The following NTM variants were observed in gnomAD, a reference collection of about 807,000 sequenced individuals.
NTM encodes IgLON family member 2.
Under a neutral mutation model 42.1 loss-of-function variants are expected in NTM, and 13 were observed. The ratio of observed to expected loss-of-function variants is 0.31; its 90% CI spans 0.20 to 0.49. The LOEUF (loss-of-function observed/expected upper bound fraction) is 0.49, where lower values mean the gene tolerates loss of function less well. Among genes scored for constraint, NTM ranks in the 20% least tolerant of loss-of-function variants. NTM has a pLI of 0.99. For synonymous variants in NTM, 187 were observed against 179.2 expected, an observed-to-expected ratio of 1.04 and a Z score of -0.35; for missense variants, 373 against 452.8, an observed-to-expected ratio of 0.82 and a Z score of 1.60.
chr11:131,655,566 G>T (rs954191755), intron 1 of NTM, among the ~76,000 whole-genome samples: 1 of 152,192 alleles, frequency 6.6e-6, no homozygotes, highest in African/African-American at 2.4e-5. Flanking sequence ...TGCTGTAAAA[G>T]ACACGTATGG....
At chr11:132,309,982 G>T in intron 5 of NTM, 130 bp from the exon 6 acceptor site, 8 of 1,125,292 alleles carry the variant, frequency 7.1e-6, no homozygotes, top group African/African-American at 1.6e-5. Flanking sequence ...CTTGAACCCG[G>T]GAGGCAGAAC....
chr11:131,371,614 G>C (rs1941196489), intron 1 of NTM, among the ~76,000 whole-genome samples: 1 of 152,172 alleles, frequency 6.6e-6, no homozygotes, highest in South Asian at 2.1e-4. Context: ...AGCCCTGGGG[G>C]CTGCAGTTGA....
intron 4 of NTM, among the ~76,000 whole-genome samples, chr11:132,293,484 T>C (rs897299708): frequency 2.0e-5 from 3 of 151,952 alleles, no homozygotes; most frequent in Admixed American, 2.0e-4. Context: ...GAGTGCAGAA[T>C]GGAAGGACTG....
chr11:131,447,561 G>A (rs542141606), intron 1 of NTM, among the ~76,000 whole-genome samples: 1 of 152,122 alleles, frequency 6.6e-6, no homozygotes, highest in African/African-American at 2.4e-5. Context: ...GGAGAGGGAG[G>A]GAGTGAGAAT....
chr11:131,385,053 C>G (rs745648778), intron 1 of NTM, among the ~76,000 whole-genome samples: 9 of 152,178 alleles, frequency 5.9e-5, no homozygotes, highest in Non-Finnish European at 1.2e-4. Flanking sequence ...CCGGGCATTG[C>G]CCCCTGCAGA....
chr11:131,910,603 C>T (rs540087345), intron 1 of NTM, among the ~76,000 whole-genome samples: 1 of 150,798 alleles, frequency 6.6e-6, no homozygotes, highest in African/African-American at 2.4e-5. Context: ...GCGGTCGGGG[C>T]CCGCGCGCGT....
rs5027677 is a variant in NTM, at chr11:132,070,855, A to G, written c.168-75427A>G. Among the ~76,000 whole-genome samples the G allele has an allele frequency of 2.8e-3, 222 of 78,656 alleles. 9 individuals are homozygous for G. The highest frequency in any genetic ancestry group is 0.015 in the East Asian group (55 of 3,748). 51.6% of individuals were successfully genotyped at this position (78,656 alleles called of 152,430 possible). ...GCCAAGTTAACACGTCACACTGACC[A>G]TCACAGGTTAGTTAACACGTCACTC... On this transcript the variant is annotated intron_variant, in intron 2 of 8. Coordinates refer to ENST00000683400, the MANE Select transcript of NTM (RefSeq NM_001352005.2).
At chr11:132,074,598 C>G (rs2058124196) in intron 2 of NTM, among the ~76,000 whole-genome samples, 1 of 151,694 alleles carries the variant, frequency 6.6e-6, no homozygotes, top group Non-Finnish European at 1.5e-5. Flanking sequence ...AACATACATA[C>G]AGATTAGAAG....
intron 4 of NTM, among the ~76,000 whole-genome samples, chr11:132,254,205 G>A (rs4937685): frequency 0.13 from 20,497 of 152,080 alleles, 1,720 homozygotes; most frequent in East Asian, 0.21. Context: ...TGAGCACCCG[G>A]CTAGAGACAG....
chr11:131,457,532 G>C (rs75499969), intron 1 of NTM, among the ~76,000 whole-genome samples: 1,921 of 152,262 alleles, frequency 0.013, 50 homozygotes, highest in African/African-American at 0.044. Flanking sequence ...TTGCCGAAAG[G>C]AAGATGATTA....
intron 1 of NTM, among the ~76,000 whole-genome samples, chr11:131,508,967 A>G (rs959015918): frequency 6.6e-6 from 1 of 151,592 alleles, no homozygotes; most frequent in African/African-American, 2.4e-5. Context: ...GCGCACCAAC[A>G]TGGCACATGT....
At chr11:131,625,589 T>C (rs1181034449) in intron 1 of NTM, among the ~76,000 whole-genome samples, 1 of 151,294 alleles carries the variant, frequency 6.6e-6, no homozygotes, top group Non-Finnish European at 1.5e-5. Flanking sequence ...CGTTCCCCAA[T>C]AACATACATA....
chr11:131,632,917 CCCA>C, intron 1 of NTM, among the ~76,000 whole-genome samples: 1 of 147,312 alleles, frequency 6.8e-6, no homozygotes. Flanking sequence ...TCGTGATCCG[CCCA>C]TCTCAGCCTC....
intron 2 of NTM, among the ~76,000 whole-genome samples, chr11:132,092,285 T>G (rs1255953658): frequency 6.6e-6 from 1 of 152,234 alleles, no homozygotes; most frequent in Non-Finnish European, 1.5e-5. Flanking sequence ...TTATACTTGT[T>G]GTCGCTTCTT....
At chr11:132,015,700 T>C (rs2073284955) in intron 2 of NTM, among the ~76,000 whole-genome samples, 1 of 151,452 alleles carries the variant, frequency 6.6e-6, no homozygotes, top group African/African-American at 2.4e-5. Flanking sequence ...ATTGTTTTCT[T>C]GATTTCATTT....
rs956424567 is a variant in NTM, at chr11:131,616,772, TGAGGG to T, written c.82+245886_82+245890del. On this transcript the variant is annotated intron_variant, in intron 1 of 8. Transcript: ENST00000683400. ...ACAGGGTTTTACAAGCACACTGTCT[TGAGGG>T]GGTGTGTGTGTGTGTGTGTGTGTGT... Among the ~76,000 whole-genome samples, 233 of 119,108 alleles carry T rather than the reference TGAGGG, an allele frequency of 2.0e-3. 2 individuals are homozygous for T. The highest frequency in any genetic ancestry group is 7.2e-3 in the African/African-American group (224 of 31,154). The allele number at this position is 119,108 out of a possible 152,430, so 78.1% of individuals were successfully genotyped here.
chr11:131,499,352 T>C (rs2046439837), intron 1 of NTM, among the ~76,000 whole-genome samples: 1 of 152,262 alleles, frequency 6.6e-6, no homozygotes, highest in South Asian at 2.1e-4. Flanking sequence ...GACTCCTTCA[T>C]AGAGTGAGAG....
At chr11:131,944,077 G>C (rs77013156) in intron 2 of NTM, among the ~76,000 whole-genome samples, 2 of 152,092 alleles carry the variant, frequency 1.3e-5, no homozygotes, top group South Asian at 4.1e-4. Context: ...TTTTCTGTGA[G>C]AGCTTAGAAA....
chr11:131,560,527 C>T (rs2056095292), intron 1 of NTM, among the ~76,000 whole-genome samples: 2 of 152,114 alleles, frequency 1.3e-5, no homozygotes, highest in Non-Finnish European at 2.9e-5. Context: ...AGATTCTTGT[C>T]CAGTGCTCTA....
Sources: allele counts gnomAD v4.1 joint callset (sites outside exome capture counted in the v4.1 genomes callset), GRCh38; gene constraint gnomAD v4.1.1; transcripts MANE v1.5; gene names NCBI Gene and HGNC (gene_info 2026-07-23, HGNC 2026-07-21).